Variants in CNTNAP2 observed in about 807,000 individuals in gnomAD.
The protein encoded by CNTNAP2 is contactin associated protein 2.
A neutral mutation model predicts 155.2 loss-of-function variants in CNTNAP2; 98 were observed. That is an observed-to-expected ratio of 0.63 (90% CI 0.54 to 0.75). CNTNAP2 has a LOEUF of 0.75. CNTNAP2 is among the 30% of genes least tolerant of loss of function. CNTNAP2 has a pLI of 0.00. For synonymous variants in CNTNAP2, 651 were observed against 631.2 expected (o/e 1.03, Z -0.47); for missense variants, 1,727 against 1,688.1 (o/e 1.02, Z -0.40).
At chr7:147,896,341 A>G (rs1799776340) in intron 13 of CNTNAP2, among the ~76,000 whole-genome samples, 1 of 152,202 alleles carries the variant, frequency 6.6e-6, no homozygotes, top group African/African-American at 2.4e-5. Flanking sequence ...TAACCGCCCA[A>G]GGAGTTCACC....
chr7:146,490,668 C>A (rs755402064), intron 1 of CNTNAP2, among the ~76,000 whole-genome samples: 1 of 152,026 alleles, frequency 6.6e-6, no homozygotes, highest in Non-Finnish European at 1.5e-5. Flanking sequence ...CTTAAAATAT[C>A]GTATATATTT....
intron 1 of CNTNAP2, among the ~76,000 whole-genome samples, chr7:146,644,777 C>A (rs1799780252): frequency 6.6e-6 from 1 of 152,108 alleles, no homozygotes; most frequent in Admixed American, 6.6e-5. Flanking sequence ...CAAGACTAAA[C>A]CAGGAAGAAG....
At chr7:146,356,502 C>T (rs1435736407) in intron 1 of CNTNAP2, among the ~76,000 whole-genome samples, 4 of 152,088 alleles carry the variant, frequency 2.6e-5, no homozygotes, top group Non-Finnish European at 5.9e-5. Context: ...CATCCTCTCT[C>T]AAACATTGAC....
chr7:148,046,571 C>G (rs1402046887), intron 15 of CNTNAP2, among the ~76,000 whole-genome samples: 1 of 152,070 alleles, frequency 6.6e-6, no homozygotes, highest in Non-Finnish European at 1.5e-5. Context: ...CTCTGGCTAC[C>G]TGACACCCCA....
intron 1 of CNTNAP2, among the ~76,000 whole-genome samples, chr7:146,711,485 C>T (rs1339437888): frequency 1.3e-5 from 2 of 148,284 alleles, no homozygotes; most frequent in African/African-American, 4.9e-5. Context: ...TTATTCACTG[C>T]TTAAATTTCC....
chr7:146,206,215 T>A (rs577404968), intron 1 of CNTNAP2, among the ~76,000 whole-genome samples: 1 of 151,824 alleles, frequency 6.6e-6, no homozygotes, highest in Non-Finnish European at 1.5e-5. Context: ...TCCAGCAAAA[T>A]TTTTAGTGGG....
chr7:146,572,854 T>C (rs151087433), intron 1 of CNTNAP2, among the ~76,000 whole-genome samples: 9 of 151,828 alleles, frequency 5.9e-5, no homozygotes, highest in African/African-American at 2.2e-4. Context: ...ATAACTGGAG[T>C]TAGTGTCAGG....
At chr7:147,680,646 A>T (rs1326530315) in intron 13 of CNTNAP2, among the ~76,000 whole-genome samples, 3 of 151,890 alleles carry the variant, frequency 2.0e-5, no homozygotes, top group Non-Finnish European at 4.4e-5. Context: ...TGGCTATACC[A>T]GGGCATGTTC....
intron 13 of CNTNAP2, among the ~76,000 whole-genome samples, chr7:147,733,453 T>C (rs886093279): frequency 6.6e-6 from 1 of 152,222 alleles, no homozygotes; most frequent in Non-Finnish European, 1.5e-5. Flanking sequence ...TCAGGTAGCA[T>C]GATGCCTCCA....
chr7:147,585,777 G>A (rs200587601), intron 12 of CNTNAP2, among the ~76,000 whole-genome samples: 1 of 15,546 alleles, frequency 6.4e-5, no homozygotes, highest in Admixed American at 7.6e-4. Context: ...GTATATATAT[G>A]TGTGTGTGTG....
intron 15 of CNTNAP2, among the ~76,000 whole-genome samples, chr7:148,077,605 G>A (rs748861218): frequency 6.6e-6 from 1 of 152,236 alleles, no homozygotes; most frequent in South Asian, 2.1e-4. Context: ...ACCAGAATTA[G>A]TACGTTGTTT....
At chr7:148,084,160 G>A (rs1803671993) in intron 15 of CNTNAP2, among the ~76,000 whole-genome samples, 1 of 152,232 alleles carries the variant, frequency 6.6e-6, no homozygotes, top group Non-Finnish European at 1.5e-5. Flanking sequence ...TCACAGGACT[G>A]TGGCAATTCA....
At chr7:147,463,235 GA>G (rs1798056038) in intron 10 of CNTNAP2, among the ~76,000 whole-genome samples, 2 of 152,190 alleles carry the variant, frequency 1.3e-5, no homozygotes, top group South Asian at 4.1e-4. Context: ...GAGACCTTTG[GA>G]AAGCTGTTTA....
intron 13 of CNTNAP2, among the ~76,000 whole-genome samples, chr7:147,659,220 AATG>A (rs1427305114): frequency 6.6e-6 from 1 of 152,208 alleles, no homozygotes; most frequent in Non-Finnish European, 1.5e-5. Flanking sequence ...GAAGGGGAAA[AATG>A]ATGATGATTG....
At chr7:147,391,469 C>A (rs1438687115) in intron 9 of CNTNAP2, among the ~76,000 whole-genome samples, 1 of 152,030 alleles carries the variant, frequency 6.6e-6, no homozygotes, top group Non-Finnish European at 1.5e-5. Context: ...CTGTCCCTTT[C>A]AGTACAAGCT....
intron 1 of CNTNAP2, among the ~76,000 whole-genome samples, chr7:146,363,781 G>T (rs1795118501): frequency 6.6e-6 from 1 of 152,164 alleles, no homozygotes; most frequent in Non-Finnish European, 1.5e-5. Context: ...AGAACAGGGA[G>T]GCAGCTCTTT....
intron 15 of CNTNAP2, among the ~76,000 whole-genome samples, chr7:148,012,475 A>T (rs1802098100): frequency 6.6e-6 from 1 of 152,214 alleles, no homozygotes. Flanking sequence ...AGTTCTAGGG[A>T]TCTGCTGATC....
chr7:146,592,057 T>A (rs1013378511), intron 1 of CNTNAP2, among the ~76,000 whole-genome samples: 1 of 152,186 alleles, frequency 6.6e-6, no homozygotes, highest in African/African-American at 2.4e-5. Context: ...GAGCTTCAGC[T>A]CCTGAGCCTA....
At chr7:146,618,017 A>T (rs1300192454) in intron 1 of CNTNAP2, among the ~76,000 whole-genome samples, 2 of 152,112 alleles carry the variant, frequency 1.3e-5, no homozygotes, top group African/African-American at 4.8e-5. Context: ...CTTAGGGTTA[A>T]TTTTTTAAAA....
Sources: gnomAD v4.1 joint callset for allele counts (sites outside exome capture counted in the v4.1 genomes callset) on GRCh38, gnomAD v4.1.1 for gene constraint, MANE v1.5 for transcripts, NCBI Gene and HGNC (gene_info 2026-07-23, HGNC 2026-07-21) for gene names.